The following TEAD1 variants were observed in gnomAD, a reference collection of about 807,000 sequenced individuals.
The protein encoded by TEAD1 is TEA domain transcription factor 1.
Under a neutral mutation model 54.9 loss-of-function variants are expected in TEAD1, and 9 were observed. The observed-to-expected ratio is 0.16, with a 90% CI of 0.10 to 0.29. The LOEUF (loss-of-function observed/expected upper bound fraction) is 0.29, where lower values mean the gene tolerates loss of function less well. Among genes scored for constraint, TEAD1 ranks in the 10% least tolerant of loss-of-function variants. TEAD1 has a pLI of 1.00. For synonymous variants in TEAD1, 200 were observed against 187.8 expected, an observed-to-expected ratio of 1.07 and a Z score of -0.53; for missense variants, 387 against 535.9, an observed-to-expected ratio of 0.72 and a Z score of 2.74.
At chr11:12,696,068 G>C (rs1441847878) in intron 2 of TEAD1, among the ~76,000 whole-genome samples, 1 of 152,214 alleles carries the variant, frequency 6.6e-6, no homozygotes, top group African/African-American at 2.4e-5. Context: ...ACAGTTGCTT[G>C]TTATTTGAGG....
chr11:12,757,482 C>A (rs2133916094), intron 2 of TEAD1, among the ~76,000 whole-genome samples: 1 of 152,282 alleles, frequency 6.6e-6, no homozygotes. Context: ...TCTTATTTGT[C>A]CCTCTAACAC....
intron 2 of TEAD1, among the ~76,000 whole-genome samples, chr11:12,752,299 C>T (rs1364738531): frequency 2.7e-5 from 4 of 145,738 alleles, no homozygotes; most frequent in Admixed American, 7.1e-5. Context: ...AAAGGGCACA[C>T]ACATCATCAA....
In TEAD1 at chr11:12,686,264, G is replaced by C. The variant is rs533730005; in HGVS notation, c.-55+10703G>C. ...TTTCTAGAATGGAGAGAAAATCCCA[G>C]GCAGGAGGGCTTTGTGGTGTCTTGG... On this transcript the variant is annotated intron_variant, in intron 2 of 12. Coordinates refer to ENST00000527636, the MANE Select transcript of TEAD1 (RefSeq NM_021961.6). 3.9e-5 allele frequency among the ~76,000 whole-genome samples: 6 copies of C among 152,266 alleles called. No individual in the cohort carries two copies. In the East Asian group the frequency reaches 1.2e-3, roughly 29 times the overall value.
Position 12,822,209 on chromosome 11 carries a change from G to A in TEAD1, c.203-40041G>A, listed in dbSNP as rs138859916. Among the ~76,000 whole-genome samples, 649 of 152,076 alleles carry A rather than the reference G, an allele frequency of 4.3e-3. 2 individuals carry two copies. Among genetic ancestry groups the A allele is most frequent in the Middle Eastern group, 0.014 (4 of 294 alleles). ...CGATCTCCTGACCCATTATCCGCCC[G>A]CCTCGGCCTCCCGAAGTGTTGGGAT... On this transcript the variant is annotated intron_variant, in intron 3 of 12. Transcript: ENST00000527636.
intron 3 of TEAD1, among the ~76,000 whole-genome samples, chr11:12,820,991 GCTCTATGCCTGT>G (rs1946533239): frequency 6.6e-6 from 1 of 152,168 alleles, no homozygotes; most frequent in Admixed American, 6.5e-5. Context: ...CACTTTGGGG[GCTCTATGCCTGT>G]CTGCATGCTT....
At chr11:12,751,490 G>T (rs1944869320) in intron 2 of TEAD1, among the ~76,000 whole-genome samples, 1 of 152,100 alleles carries the variant, frequency 6.6e-6, no homozygotes, top group African/African-American at 2.4e-5. Context: ...CCAGTGGAGG[G>T]GCTTGAAGTC....
intron 2 of TEAD1, among the ~76,000 whole-genome samples, chr11:12,751,864 G>A (rs922422342): frequency 6.6e-6 from 1 of 152,168 alleles, no homozygotes; most frequent in African/African-American, 2.4e-5. Flanking sequence ...CCACCTCTGA[G>A]CACTCTCTGA....
intron 12 of TEAD1, among the ~76,000 whole-genome samples, chr11:12,936,441 C>T (rs961756308): frequency 6.6e-6 from 1 of 152,206 alleles, no homozygotes; most frequent in Non-Finnish European, 1.5e-5. Flanking sequence ...TTTTCTGGGT[C>T]TAGGCACTAC....
intron 3 of TEAD1, among the ~76,000 whole-genome samples, chr11:12,860,337 A>G (rs1434972569): frequency 1.3e-5 from 2 of 152,128 alleles, no homozygotes; most frequent in African/African-American, 4.8e-5. Context: ...GCTTATGAGG[A>G]CTTTCAGGAA....
At chr11:12,707,283 C>T (rs1943838419) in intron 2 of TEAD1, among the ~76,000 whole-genome samples, 1 of 152,020 alleles carries the variant, frequency 6.6e-6, no homozygotes, top group Admixed American at 6.6e-5. Context: ...CCTTCCACTC[C>T]TCCTCATGCT....
chr11:12,859,581 A>G (rs979559359), intron 3 of TEAD1, among the ~76,000 whole-genome samples: 3 of 152,260 alleles, frequency 2.0e-5, no homozygotes, highest in African/African-American at 7.2e-5. Flanking sequence ...AAGTAGATCC[A>G]ATGATACTAC....
chr11:12,690,250 A>AC (rs1943427578), intron 2 of TEAD1, among the ~76,000 whole-genome samples: 1 of 151,770 alleles, frequency 6.6e-6, no homozygotes, highest in South Asian at 2.1e-4. Context: ...TCAAAAAAAA[A>AC]AAAAAAAAAA....
intron 2 of TEAD1, among the ~76,000 whole-genome samples, chr11:12,703,542 A>G (rs1390288414): frequency 1.3e-5 from 2 of 151,970 alleles, no homozygotes; most frequent in Non-Finnish European, 2.9e-5. Context: ...ACCTGGAGGG[A>G]TCTTTGCTTT....
chr11:12,762,327 C>T (rs968169285), intron 2 of TEAD1, among the ~76,000 whole-genome samples: 10 of 151,856 alleles, frequency 6.6e-5, no homozygotes, highest in African/African-American at 1.7e-4. Flanking sequence ...TACTTTGGAG[C>T]GAGAACAGAC....
chr11:12,814,440 C>T (rs888745491), intron 3 of TEAD1, among the ~76,000 whole-genome samples: 1 of 152,160 alleles, frequency 6.6e-6, no homozygotes, highest in African/African-American at 2.4e-5. Flanking sequence ...CAGGCCCCCG[C>T]TGGCCTGGCT....
At chr11:12,814,680 C>T (rs1377582953) in intron 3 of TEAD1, among the ~76,000 whole-genome samples, 4 of 152,016 alleles carry the variant, frequency 2.6e-5, no homozygotes, top group Non-Finnish European at 5.9e-5. Flanking sequence ...GCAGCAAGGG[C>T]GAGAGGCTTA....
Position 12,942,285 on chromosome 11 carries a change from G to A in TEAD1, c.*5063G>A, listed in dbSNP as rs1949168444. The A allele has an allele frequency of 6.6e-6, 1 of 152,616 alleles. No homozygotes were observed. The highest frequency in any genetic ancestry group is 2.1e-4 in the South Asian group (1 of 4,832). The allele number at this position is 152,616 out of a possible 1,614,324, so 9.5% of individuals were successfully genotyped here. A position where few individuals can be genotyped will look rare whatever the true frequency, so the allele number is the denominator to read the frequency against. On this transcript the variant is annotated 3_prime_UTR_variant, in exon 13 of 13. Transcript: ENST00000527636. ...CCATAATAACGATAATTTGTAGAGA[G>A]ACCAAAAATATTTTGAGATCACCGT...
At chr11:12,685,479 A>G (rs2133816883) in intron 2 of TEAD1, among the ~76,000 whole-genome samples, 1 of 152,320 alleles carries the variant, frequency 6.6e-6, no homozygotes, top group African/African-American at 2.4e-5. Flanking sequence ...GCATCTTGTC[A>G]TGCTCACCAT....
intron 2 of TEAD1, among the ~76,000 whole-genome samples, chr11:12,740,455 A>G (rs985262481): frequency 1.3e-5 from 2 of 152,230 alleles, no homozygotes; most frequent in African/African-American, 4.8e-5. Flanking sequence ...CACTAGACAT[A>G]AAGTTGGTGT....
Sources: gnomAD v4.1 joint callset for allele counts (sites outside exome capture counted in the v4.1 genomes callset) on GRCh38, gnomAD v4.1.1 for gene constraint, MANE v1.5 for transcripts, NCBI Gene and HGNC (gene_info 2026-07-23, HGNC 2026-07-21) for gene names.